Variants in TRPC7 observed in about 807,000 individuals in gnomAD.
TRPC7 encodes short transient receptor potential channel 7.
Under a neutral mutation model 90.1 loss-of-function variants are expected in TRPC7, and 42 were observed. The observed-to-expected ratio is 0.47, with a 90% CI of 0.36 to 0.60. TRPC7 has a LOEUF of 0.60. Among genes scored for constraint, TRPC7 ranks in the 20% least tolerant of loss-of-function variants. TRPC7 has a pLI of 0.00. For synonymous variants in TRPC7, 451 were observed against 436.3 expected (o/e 1.03, Z -0.42); for missense variants, 955 against 1,112.3 (o/e 0.86, Z 2.01).
chr5:136,353,963 G>A (rs959990269), intron 2 of TRPC7, among the ~76,000 whole-genome samples: 6 of 149,474 alleles, frequency 4.0e-5, no homozygotes, highest in Non-Finnish European at 5.9e-5. Flanking sequence ...TAAAAAAAAT[G>A]TCTCAGATGT....
chr5:136,305,874 A>G (rs1385623016), intron 3 of TRPC7, among the ~76,000 whole-genome samples: 1 of 152,168 alleles, frequency 6.6e-6, no homozygotes, highest in Non-Finnish European at 1.5e-5. Context: ...CCAACTTAAA[A>G]AGGACTGGAC....
chr5:136,325,190 C>T (rs1217913464), intron 2 of TRPC7, among the ~76,000 whole-genome samples: 1 of 152,166 alleles, frequency 6.6e-6, no homozygotes, highest in Non-Finnish European at 1.5e-5. Context: ...AATAAGAAGA[C>T]TGAAAGTTGA....
intron 7 of TRPC7, among the ~76,000 whole-genome samples, chr5:136,235,121 T>G (rs1386911887): frequency 6.6e-6 from 1 of 151,992 alleles, no homozygotes; most frequent in African/African-American, 2.4e-5. Context: ...CTTGTACACA[T>G]GAAAAACATA....
chr5:136,276,057 C>T (rs1266467961), intron 3 of TRPC7, among the ~76,000 whole-genome samples: 2 of 152,194 alleles, frequency 1.3e-5, no homozygotes, highest in African/African-American at 2.4e-5. Context: ...GCTACCAGAA[C>T]ATCCCTTTTC....
intron 3 of TRPC7, among the ~76,000 whole-genome samples, chr5:136,308,515 T>A (rs1270421051): frequency 6.6e-6 from 1 of 152,120 alleles, no homozygotes; most frequent in Admixed American, 6.5e-5. Flanking sequence ...GGCATGTGAG[T>A]GTCTGACTGG....
At chr5:136,229,267 C>T (rs1580841283) in intron 8 of TRPC7, among the ~76,000 whole-genome samples, 1 of 152,300 alleles carries the variant, frequency 6.6e-6, no homozygotes, top group African/African-American at 2.4e-5. Flanking sequence ...CCAGGCTCAC[C>T]TCTTCCTCTC....
At chr5:136,327,240 A>T (rs997971064) in intron 2 of TRPC7, among the ~76,000 whole-genome samples, 1 of 152,202 alleles carries the variant, frequency 6.6e-6, no homozygotes, top group African/African-American at 2.4e-5. Context: ...CAACAATGAG[A>T]GATAATGGGT....
intron 4 of TRPC7, 86 bp from the exon 5 acceptor site, chr5:136,266,522 TAACCA>T: frequency 8.4e-7 from 1 of 1,197,008 alleles, no homozygotes; most frequent in East Asian, 2.6e-5. Flanking sequence ...CACCAAAGTT[TAACCA>T]GAGAATCCTT....
At chr5:136,221,602 G>A (rs1378453810) in intron 10 of TRPC7, among the ~76,000 whole-genome samples, 1 of 152,220 alleles carries the variant, frequency 6.6e-6, no homozygotes, top group Admixed American at 6.5e-5. Flanking sequence ...AGGATCCAGA[G>A]GGAAGAAATG....
intron 5 of TRPC7, among the ~76,000 whole-genome samples, chr5:136,260,562 G>A (rs776185460): frequency 5.3e-5 from 8 of 152,198 alleles, no homozygotes; most frequent in African/African-American, 1.2e-4. Context: ...CTGAAACAGA[G>A]TGAGTGAGGT....
intron 3 of TRPC7, among the ~76,000 whole-genome samples, chr5:136,301,229 G>A (rs1758370504): frequency 6.7e-6 from 1 of 150,150 alleles, no homozygotes; most frequent in African/African-American, 2.5e-5. Flanking sequence ...GTTTCATCAT[G>A]TTAGTCAGGC....
At chr5:136,256,321 C>T (rs1358193900) in intron 5 of TRPC7, among the ~76,000 whole-genome samples, 1 of 152,174 alleles carries the variant, frequency 6.6e-6, no homozygotes, top group Non-Finnish European at 1.5e-5. Flanking sequence ...TCCCTCTGAC[C>T]TCAAGTTAGT....
At chr5:136,289,430 G>A (rs1185876553) in intron 3 of TRPC7, among the ~76,000 whole-genome samples, 1 of 152,168 alleles carries the variant, frequency 6.6e-6, no homozygotes, top group East Asian at 1.9e-4. Flanking sequence ...CTGGAAAATC[G>A]GGTCACTCCC....
At chr5:136,275,382 TAA>T (rs34461199) in intron 3 of TRPC7, among the ~76,000 whole-genome samples, 81 of 147,018 alleles carry the variant, frequency 5.5e-4, no homozygotes, top group African/African-American at 8.7e-4. Flanking sequence ...AATGACATTG[TAA>T]AAAAAAAAAA....
intron 8 of TRPC7, chr5:136,226,468 A>T: frequency 3.5e-6 from 2 of 566,082 alleles, no homozygotes; most frequent in South Asian, 4.9e-5. Context: ...CTTTGGACTC[A>T]TGGCTGAAAA....
At chr5:136,265,184 T>C (rs1756983762) in intron 5 of TRPC7, among the ~76,000 whole-genome samples, 1 of 152,194 alleles carries the variant, frequency 6.6e-6, no homozygotes, top group African/African-American at 2.4e-5. Flanking sequence ...TGACTCATTG[T>C]TTGTGAATAT....
At chr5:136,258,442 T>A (rs1359244888) in intron 5 of TRPC7, among the ~76,000 whole-genome samples, 4 of 152,058 alleles carry the variant, frequency 2.6e-5, no homozygotes, top group Admixed American at 1.3e-4. Context: ...ACAGGAGTGT[T>A]TAGAGCCCAG....
chr5:136,317,315 C>CTCAT (rs1173056041), intron 2 of TRPC7, among the ~76,000 whole-genome samples: 1 of 152,184 alleles, frequency 6.6e-6, no homozygotes, highest in Non-Finnish European at 1.5e-5. Context: ...CTGCCATTCA[C>CTCAT]TCATTCATTC....
intron 3 of TRPC7, among the ~76,000 whole-genome samples, chr5:136,289,900 G>C (rs1172132519): frequency 1.3e-5 from 2 of 152,188 alleles, no homozygotes; most frequent in African/African-American, 4.8e-5. Flanking sequence ...CCCAGTAGGG[G>C]TGGATTGACA....
Sources: allele counts gnomAD v4.1 joint callset (sites outside exome capture counted in the v4.1 genomes callset), GRCh38; gene constraint gnomAD v4.1.1; transcripts MANE v1.5; gene names NCBI Gene and HGNC (gene_info 2026-07-23, HGNC 2026-07-21).